Variants in PCID2 observed in about 807,000 individuals in gnomAD.
PCID2 encodes PCI domain containing 2.
Under a neutral mutation model 61.3 loss-of-function variants are expected in PCID2, and 41 were observed. That is an observed-to-expected ratio of 0.67 (90% CI 0.52 to 0.87). The LOEUF is 0.87. Among genes scored for constraint, PCID2 ranks in the 40% least tolerant of loss-of-function variants. The pLI is 0.00. For missense variants in PCID2, 392 were observed against 493.4 expected, an observed-to-expected ratio of 0.79 and a Z score of 1.95; for synonymous variants, 187 against 177.8, an observed-to-expected ratio of 1.05 and a Z score of -0.41.
chr13:113,181,118 A>G lies in PCID2; in HGVS notation c.786+12T>C. 6.5e-7 allele frequency: 1 copy of G among 1,535,674 alleles called. No individual in the cohort carries two copies. The highest frequency in any genetic ancestry group is 9.0e-7 in the Non-Finnish European group (1 of 1,108,318). On this transcript the variant is annotated intron_variant, in intron 10 of 13. Transcript: ENST00000337344. ...CACCAGGATCTATAAACATGGAGTA[A>G]TAATCACTCACCAATAGCATTTTTA...
downstream of PCID2, among the ~76,000 whole-genome samples, chr13:113,175,022 C>T (rs115878463): frequency 4.7e-3 from 711 of 152,268 alleles, 8 homozygotes; most frequent in African/African-American, 0.016. Flanking sequence ...ACGCTGTTCT[C>T]GTGACAGTGA....
intron 7 of PCID2, among the ~76,000 whole-genome samples, chr13:113,189,747 G>T (rs2138781544): frequency 6.6e-6 from 1 of 150,594 alleles, no homozygotes; most frequent in African/African-American, 2.4e-5. Context: ...TTGAGGTCAG[G>T]TGCAGTGGCT....
chr13:113,181,267 C>T (rs541366380), intron 9 of PCID2, 37 bp from the exon 10 acceptor site: 14 of 1,321,228 alleles, frequency 1.1e-5, no homozygotes, highest in African/African-American at 2.9e-5. Context: ...ATGAGACCAA[C>T]GCACCTGCTT....
At chr13:113,173,334 G>C (rs1345933655), downstream of PCID2, among the ~76,000 whole-genome samples, 3 of 152,090 alleles carry the variant, frequency 2.0e-5, no homozygotes. Flanking sequence ...CTCCTAGCAG[G>C]GTCTGAATTT....
At chr13:113,188,749 A>C (rs988610447) in intron 7 of PCID2, 8 of 152,234 alleles carry the variant, frequency 5.3e-5, no homozygotes, top group Non-Finnish European at 1.2e-4. Context: ...GGAGTAGAGA[A>C]GTTGATTTGT....
intron 1 of PCID2, among the ~76,000 whole-genome samples, chr13:113,205,449 C>A (rs887635794): frequency 1.3e-5 from 2 of 152,216 alleles, no homozygotes; most frequent in Admixed American, 6.5e-5. Context: ...CAGCTAGCTG[C>A]TTTGGCATTT....
chr13:113,207,703 G>GTA (rs1423150833), intron 1 of PCID2, among the ~76,000 whole-genome samples: 1 of 152,160 alleles, frequency 6.6e-6, no homozygotes, highest in African/African-American at 2.4e-5. Flanking sequence ...TATCAAGTAC[G>GTA]TATCTTTACC....
Position 113,196,191 on chromosome 13 carries a change from CTTT to C in PCID2, c.295_297del (p.Lys99del). 1 of 1,605,322 alleles carries C rather than the reference CTTT, an allele frequency of 6.2e-7. No homozygotes were observed. On this transcript the variant is annotated inframe_deletion, in exon 5 of 14. Coordinates refer to ENST00000337344, the MANE Select transcript of PCID2 (RefSeq NM_001127202.4). Reference sequence around the variant, plus strand: ...TCTGTTCACACTTACCAGTTTTCTTCTTTGTGGGCCTGGAATGCTCGCAAGAAT... The same window carrying C: ...TCTGTTCACACTTACCAGTTTTCTTCGTGGGCCTGGAATGCTCGCAAGAAT...
At chr13:113,182,881 G>A (rs183010223) in intron 9 of PCID2, among the ~76,000 whole-genome samples, 1 of 152,218 alleles carries the variant, frequency 6.6e-6, no homozygotes, top group African/African-American at 2.4e-5. Context: ...ATATATTTCG[G>A]TTGGAGTCAA....
At chr13:113,181,868 G>A (rs1166608813) in intron 9 of PCID2, among the ~76,000 whole-genome samples, 2 of 152,156 alleles carry the variant, frequency 1.3e-5, no homozygotes, top group African/African-American at 4.8e-5. Context: ...CTGCACGACA[G>A]GCCTGCAAAG....
intron 1 of PCID2, chr13:113,207,950 G>T: frequency 7.8e-7 from 1 of 1,287,158 alleles, no homozygotes; most frequent in Non-Finnish European, 1.1e-6. Flanking sequence ...CTGAAGACAG[G>T]CATAGTTTAG....
At chr13:113,207,955 G>C in intron 1 of PCID2, 1 of 1,350,154 alleles carries the variant, frequency 7.4e-7, no homozygotes, top group Non-Finnish European at 1.1e-6. Context: ...GACAGGCATA[G>C]TTTAGTGGAA....
intron 1 of PCID2, among the ~76,000 whole-genome samples, chr13:113,204,536 T>C (rs986197855): frequency 1.3e-5 from 2 of 152,130 alleles, no homozygotes; most frequent in African/African-American, 4.8e-5. Flanking sequence ...TGCAGGGTGA[T>C]GTCGCCACAT....
chr13:113,167,116 C>T, the PCID2 span, among the ~76,000 whole-genome samples: 32,564 of 152,090 alleles, frequency 0.21, 4,179 homozygotes, highest in East Asian at 0.55. Context: ...CCTAGCAGGA[C>T]ATAGGGTTGA....
chr13:113,207,982 C>T lies in PCID2; in HGVS notation c.36+617G>A, dbSNP rs765332585. ...TTAGTGGAAAGAATATGCGTTGAAT[C>T]TTTACAAGTGTCCATCTTTTAACTG... On this transcript the variant is annotated intron_variant, in intron 1 of 13. Transcript: ENST00000337344. 22 of 1,552,912 alleles carry T rather than the reference C, an allele frequency of 1.4e-5. 1 individual carries two copies. The South Asian group carries it at 2.4e-4, about 17-fold the overall frequency.
At chr13:113,180,132 C>A in intron 11 of PCID2, 26 bp downstream of exon 11, 1 of 1,613,464 alleles carries the variant, frequency 6.2e-7, no homozygotes, top group Non-Finnish European at 8.5e-7. Context: ...TTTAAAACCC[C>A]AAACAGGAAG....
Position 113,181,191 on chromosome 13 carries a change from C to T in PCID2, c.725G>A (p.Arg242His), listed in dbSNP as rs370979521. The change falls in exon 10 of 14, where the codon CGT becomes CAT. Residue 242 changes from arginine to histidine, a missense_variant. Arg to His is a conservative substitution (Grantham distance 29, BLOSUM62 0). Coordinates refer to ENST00000337344, the MANE Select transcript of PCID2 (RefSeq NM_001127202.4). ...YLSFAFEHCH[R>H]SSQKNKRMIL... Reference sequence around the variant, plus strand: ...CATCCTTTTGTTCTTCTGACTAGAACGGTGACAATGCTCAAAGGCAAATGA... The same window carrying T: ...CATCCTTTTGTTCTTCTGACTAGAATGGTGACAATGCTCAAAGGCAAATGA... 64 of 1,613,674 alleles carry T rather than the reference C, an allele frequency of 4.0e-5. No individual in the cohort carries two copies. The African/African-American group carries it at 5.1e-4, about 13-fold the overall frequency.
rs1372812436 is a variant in PCID2 at position 113,185,175 on chromosome 13, C to T, written c.543+310G>A. 3.3e-5 allele frequency among the ~76,000 whole-genome samples: 5 copies of T among 152,194 alleles called. No homozygotes were observed. In the East Asian group the frequency reaches 5.8e-4, roughly 18 times the overall value. ...AAGACAAAACGCTCTGGAGTGAAAC[C>T]GCCTGCACTGAAAGCCCAATTCCAC... On this transcript the variant is annotated intron_variant, in intron 8 of 13. Coordinates refer to ENST00000337344, the MANE Select transcript of PCID2 (RefSeq NM_001127202.4).
intron 7 of PCID2, 63 bp downstream of exon 7, chr13:113,190,809 T>G: frequency 1.1e-6 from 1 of 887,252 alleles, no homozygotes; most frequent in Middle Eastern, 2.3e-4. Flanking sequence ...CCAGAAAGGG[T>G]GAACGCTGCA....
Sources: gnomAD v4.1 joint callset for allele counts (sites outside exome capture counted in the v4.1 genomes callset) on GRCh38, gnomAD v4.1.1 for gene constraint, MANE v1.5 for transcripts, NCBI Gene and HGNC (gene_info 2026-07-23, HGNC 2026-07-21) for gene names.